Variants in ASPM observed in about 807,000 individuals in gnomAD.
ASPM encodes assembly factor for spindle microtubules.
A neutral mutation model predicts 366.4 loss-of-function variants in ASPM; 256 were observed. That is an observed-to-expected ratio of 0.70 (90% confidence interval 0.63 to 0.77). The LOEUF is 0.77. Among genes scored for constraint, ASPM ranks in the 30% least tolerant of loss-of-function variants. The probability of loss-of-function intolerance (pLI) is 0.00; values close to 1 mark genes in which losing one functional copy is unlikely to be tolerated. For synonymous variants in ASPM, 1,414 were observed against 1,342.9 expected (o/e 1.05, Z -1.16); for missense variants, 4,146 against 4,090.4 (o/e 1.01, Z -0.37).
rs775726885 is a variant in ASPM at position 197,101,315 on chromosome 1, G to A, written c.7936C>T (p.His2646Tyr). 13 of 1,611,526 alleles carry A rather than the reference G, an allele frequency of 8.1e-6. No individual in the cohort carries two copies. Among genetic ancestry groups the A allele is most frequent in the Non-Finnish European group, 1.1e-5 (13 of 1,178,832 alleles). The change falls in exon 18 of 28, where the codon CAC becomes TAC. Residue 2646 changes from histidine to tyrosine, a missense_variant. Around this residue, in one of 3 missense-constraint regions of ASPM, gnomAD observed 3,624 missense variants for 3,591.7 expected, o/e 1.01. Coordinates refer to ENST00000367409, the MANE Select transcript of ASPM (RefSeq NM_018136.5). ...ATAGAAACTACTGTTGCTCTAAGGT[G>A]GAGATAATGCTTCCTTATTTTAAAG... ...KAFKIRKHYL[H>Y]LRATVVSIQR...
intron 21 of ASPM, among the ~76,000 whole-genome samples, chr1:197,092,764 CCT>C (rs1276099492): frequency 3.3e-5 from 5 of 151,736 alleles, no homozygotes; most frequent in Admixed American, 1.3e-4. Flanking sequence ...ACATATGGAG[CCT>C]CTCTCTCATA....
In ASPM at chr1:197,146,387, C is replaced by T; in HGVS notation, c.51G>A (p.Glu17=). ...GRGCWEVSPT[E]RRPPAGLRGP... ...CCCGCAGCCCCGCGGGCGGCCTCCGCTCGGTCGGGCTCACTTCCCAGCAGC... is the reference window on the plus strand; with the variant it reads ...CCCGCAGCCCCGCGGGCGGCCTCCGTTCGGTCGGGCTCACTTCCCAGCAGC... The change falls in exon 1 of 28, where the codon GAG becomes GAA. Residue 17 remains glutamate, a synonymous_variant. Transcript: ENST00000367409. 1.2e-6 allele frequency: 2 copies of T among 1,609,738 alleles called. No individual in the cohort carries two copies. Among genetic ancestry groups the T allele is most frequent in the Non-Finnish European group, 1.7e-6 (2 of 1,179,250 alleles).
intron 4 of ASPM, chr1:197,139,405 G>A: frequency 1.8e-6 from 1 of 561,090 alleles, no homozygotes. Context: ...GACCACCCCG[G>A]CCAACACGGT....
rs1238848763 is a variant in ASPM, at chr1:197,101,705, T to C, written c.7546A>G (p.Thr2516Ala). 3 of 1,611,964 alleles carry C rather than the reference T, an allele frequency of 1.9e-6. No homozygotes were observed. The highest frequency in any genetic ancestry group is 2.7e-5 in the African/African-American group (2 of 74,778). ...ASILIQQHYR[T>A]YRAAKLQREN... ...CTTTGTAATTTTGCAGCTCTATATG[T>C]TCGATAATGTTGCTGAATTAGAATT... The change falls in exon 18 of 28, where the codon ACA becomes GCA. Residue 2516 changes from threonine to alanine, a missense_variant. By Grantham distance (58) the Thr-to-Ala change is moderately conservative (BLOSUM62 0). Coordinates refer to ENST00000367409, the MANE Select transcript of ASPM (RefSeq NM_018136.5).
intron 22 of ASPM, among the ~76,000 whole-genome samples, 181 bp downstream of exon 22, chr1:197,091,726 T>C (rs559633362): frequency 2.7e-4 from 41 of 152,160 alleles, no homozygotes; most frequent in African/African-American, 8.2e-4. Flanking sequence ...TTCACAACTT[T>C]AGTACTGTGC....
In ASPM at chr1:197,101,209, A is replaced by C. The variant is rs759588066; in HGVS notation, c.8042T>G (p.Val2681Gly). The C allele has an allele frequency of 3.1e-6, 5 of 1,612,206 alleles. No homozygotes were observed. Among genetic ancestry groups the C allele is most frequent in the Non-Finnish European group, 3.4e-6 (4 of 1,179,080 alleles). ...GTGCATATTTTGAATATCCTTTCGT[A>C]CTTTAAAGCCTCTGTAATAAGACTG... is the stretch of plus-strand genomic sequence containing the variant. ...CIQSYYRGFKVRKDIQNMHRA... is the reference protein window; with the variant it reads ...CIQSYYRGFKGRKDIQNMHRA... The change falls in exon 18 of 28, where the codon GTA becomes GGA. Residue 2681 changes from valine to glycine, a missense_variant. Around this residue, in one of 3 missense-constraint regions of ASPM, gnomAD observed 3,624 missense variants for 3,591.7 expected, o/e 1.01. Transcript: ENST00000367409.
At chr1:197,086,049 G>A (rs929413293) in intron 27 of ASPM, among the ~76,000 whole-genome samples, 4 of 152,132 alleles carry the variant, frequency 2.6e-5, no homozygotes, top group African/African-American at 9.6e-5. Context: ...TCAAGCAAAT[G>A]AACTTTACAT....
intron 8 of ASPM, 31 bp from the exon 9 acceptor site, chr1:197,129,348 T>C: frequency 6.2e-7 from 1 of 1,606,358 alleles, no homozygotes; most frequent in Non-Finnish European, 8.5e-7. Context: ...GCACAGCAAG[T>C]TAATCTATGA....
chr1:197,115,681 G>A (rs2125101561), intron 17 of ASPM, among the ~76,000 whole-genome samples: 1 of 152,264 alleles, frequency 6.6e-6, no homozygotes, highest in South Asian at 2.1e-4. Context: ...CCATGTCCAT[G>A]ACCAGGAGTA....
Position 197,107,458 on chromosome 1 carries a change from C to T in ASPM, c.4066-2273G>A, listed in dbSNP as rs556148736. On this transcript the variant is annotated intron_variant, in intron 17 of 27. Coordinates refer to ENST00000367409, the MANE Select transcript of ASPM (RefSeq NM_018136.5). ...GCTAAAACTAAAATATCAACATTCT[C>T]CATAGGATTTAAACAAAACATAGAG... is the stretch of plus-strand genomic sequence containing the variant. 1.6e-3 allele frequency among the ~76,000 whole-genome samples: 249 copies of T among 152,212 alleles called. 2 individuals carry two copies. The highest frequency in any genetic ancestry group is 2.4e-3 in the Non-Finnish European group (164 of 68,002).
chr1:197,124,192 C>G lies in ASPM; in HGVS notation c.3308G>C (p.Ser1103Thr). The G allele has an allele frequency of 1.2e-6, 2 of 1,612,738 alleles. No homozygotes were observed. The highest frequency in any genetic ancestry group is 1.7e-6 in the Non-Finnish European group (2 of 1,179,104). Residue 1103 changes from serine (S) to threonine (T), a missense_variant, in exon 13 of 28, where the codon AGT becomes ACT. By Grantham distance (58) the Ser-to-Thr change is moderately conservative (BLOSUM62 1). This residue lies in a region of ASPM where 3,624 missense variants were observed against 3,591.7 expected (regional missense o/e 1.01). Coordinates refer to ENST00000367409, the MANE Select transcript of ASPM (RefSeq NM_018136.5). ...LINKKKGKRD[S>T]GSFEQYSENI... The stretch of plus-strand genomic sequence containing the variant: ...TTCACTATATTGTTCAAAGGAACCA[C>G]TATCCCTTTTGCCTTTTTTCTTATT...
At chr1:197,138,992 G>C in intron 4 of ASPM, 2 of 721,570 alleles carry the variant, frequency 2.8e-6, no homozygotes, top group Non-Finnish European at 5.1e-6. Flanking sequence ...TCTTCTCTCT[G>C]ACATTGATCA....
chr1:197,143,362 C>G lies in ASPM; in HGVS notation c.890G>C (p.Ser297Thr), dbSNP rs1658663462. 1.2e-6 allele frequency: 2 copies of G among 1,613,854 alleles called. No individual in the cohort carries two copies. The highest frequency in any genetic ancestry group is 1.7e-6 in the Non-Finnish European group (2 of 1,179,746). Residue 297 changes from serine to threonine, a missense_variant, in exon 3 of 28, where the codon AGT (serine) becomes ACT (threonine). This residue lies in a region of ASPM where 512 missense variants were observed against 471.7 expected (regional missense o/e 1.09). Coordinates refer to ENST00000367409, the MANE Select transcript of ASPM (RefSeq NM_018136.5). Reference sequence around the variant, plus strand: ...AGTTGAAGAACAGTTGGGGGTAAGACTAAGTTTACTATTCTCTCCTCTTTG... The same window carrying G: ...AGTTGAAGAACAGTTGGGGGTAAGAGTAAGTTTACTATTCTCTCCTCTTTG... ...NGQRGENSKL[S>T]LTPNCSSTLN... is the part of the protein sequence containing the mutation.
intron 3 of ASPM, among the ~76,000 whole-genome samples, chr1:197,141,383 T>C (rs1658574512): frequency 6.6e-6 from 1 of 152,122 alleles, no homozygotes; most frequent in African/African-American, 2.4e-5. Context: ...GCCTAAAATG[T>C]TTACTATCTG....
chr1:197,144,667 A>G (rs1658709558), intron 1 of ASPM, among the ~76,000 whole-genome samples: 1 of 152,194 alleles, frequency 6.6e-6, no homozygotes, highest in Admixed American at 6.5e-5. Flanking sequence ...CAGATGAAGT[A>G]ACTAACATCC....
Position 197,104,526 on chromosome 1 carries a change from G to A in ASPM, c.4725C>T (p.Asp1575=), listed in dbSNP as rs1161902844. 6.2e-7 allele frequency: 1 copy of A among 1,612,520 alleles called. No homozygotes were observed. The highest frequency in any genetic ancestry group is 2.2e-5 in the East Asian group (1 of 44,804). The stretch of plus-strand genomic sequence containing the variant: ...TCTTAAGGTTTAAAAATCGAACTCT[G>A]TCTTGTCTCATTCTCCAGTATGACT... ...VIQSYWRMRQ[D]RVRFLNLKKT... The change falls in exon 18 of 28, where the codon GAC becomes GAT. Residue 1575 remains aspartate, a synonymous_variant. Transcript: ENST00000367409.
At position 197,137,346 on chromosome 1, in the gene ASPM, TAA is replaced by T. The variant is rs1658450545; in HGVS notation, c.2027-2106_2027-2105del. Among the ~76,000 whole-genome samples, 8 of 152,330 alleles carry T rather than the reference TAA, an allele frequency of 5.3e-5. 1 individual carries two copies. In the South Asian group the frequency reaches 1.7e-3, roughly 32 times the overall value. The stretch of plus-strand genomic sequence containing the variant: ...TGTTCTAGGCCTAGGAATGGACACT[TAA>T]GTGAACAAAGCAAAGATTCTGGTTC... On this transcript the variant is annotated intron_variant, in intron 4 of 27. Transcript: ENST00000367409.
At position 197,122,519 on chromosome 1, in the gene ASPM, A is replaced by G; in HGVS notation, c.3467T>C (p.Val1156Ala). 1 of 1,613,606 alleles carries G rather than the reference A, an allele frequency of 6.2e-7. No homozygotes were observed. The highest frequency in any genetic ancestry group is 1.1e-5 in the South Asian group (1 of 91,026). ...YLIHHYHPCY[V>A]PFDAICQRTT... The stretch of plus-strand genomic sequence containing the variant: ...ACGCTGACATATAGCGTCAAATGGC[A>G]CATAGCAAGGATGGTAATGGTGGAT... The change falls in exon 14 of 28, where the codon GTG (valine) becomes GCG (alanine). Residue 1156 changes from valine (V) to alanine (A), a missense_variant. By Grantham distance (64) the Val-to-Ala change is moderately conservative. Coordinates refer to ENST00000367409, the MANE Select transcript of ASPM (RefSeq NM_018136.5).
intron 27 of ASPM, among the ~76,000 whole-genome samples, chr1:197,084,725 T>C (rs1325674093): frequency 6.6e-6 from 1 of 152,162 alleles, no homozygotes; most frequent in Admixed American, 6.6e-5. Context: ...CTGGTTCTTG[T>C]TCTCCTCTTA....
Sources: allele counts gnomAD v4.1 joint callset (sites outside exome capture counted in the v4.1 genomes callset), GRCh38; gene constraint gnomAD v4.1.1; regional missense constraint gnomAD v4.1.1; transcripts MANE v1.5; gene names NCBI Gene and HGNC (gene_info 2026-07-23, HGNC 2026-07-21).